Variants in CD276 observed in about 807,000 individuals in gnomAD.
CD276 encodes the protein CD276 antigen.
Under a neutral mutation model 50.0 loss-of-function variants are expected in CD276, and 34 were observed. That is an observed-to-expected ratio of 0.68 (90% CI 0.52 to 0.91). The LOEUF is 0.91. CD276 is among the 40% of genes least tolerant of loss of function. CD276 has a pLI of 0.00. For missense variants in CD276, 634 were observed against 717.5 expected (o/e 0.88, Z 1.33); for synonymous variants, 275 against 313.0 (o/e 0.88, Z 1.28).
intron 7 of CD276, among the ~76,000 whole-genome samples, chr15:73,709,092 G>C (rs947333460): frequency 6.6e-6 from 1 of 152,176 alleles, no homozygotes; most frequent in Non-Finnish European, 1.5e-5. Context: ...TGGTCAGTTG[G>C]CAGATAGGTG....
intron 4 of CD276, 46 bp downstream of exon 4, chr15:73,703,132 T>A: frequency 6.5e-7 from 1 of 1,526,930 alleles, no homozygotes; most frequent in Non-Finnish European, 8.8e-7. Flanking sequence ...GTTCTGCTTC[T>A]GTCGGCAGGG....
rs1901018701 is a variant in CD276 at position 73,713,920 on chromosome 15, C to T, written c.*964C>T. 2.6e-6 allele frequency: 1 copy of T among 380,762 alleles called. No homozygotes were observed. 23.6% of individuals were successfully genotyped at this position (380,762 alleles called of 1,614,324 possible). Reference sequence around the variant, plus strand: ...CCTGCGTGGGAAGATAAAGTTCCTCCCTCAAGGACTCCCCATCCAGCTGGG... The same window carrying T: ...CCTGCGTGGGAAGATAAAGTTCCTCTCTCAAGGACTCCCCATCCAGCTGGG... On this transcript the variant is annotated 3_prime_UTR_variant, in exon 10 of 10. Coordinates refer to ENST00000318443, the MANE Select transcript of CD276 (RefSeq NM_001024736.2).
intron 1 of CD276, among the ~76,000 whole-genome samples, chr15:73,688,525 C>T (rs56386548): frequency 0.026 from 3,976 of 152,316 alleles, 85 homozygotes; most frequent in Middle Eastern, 0.044. Flanking sequence ...GGCTTCTGAG[C>T]TCATGCTGTA....
chr15:73,700,601 C>T (rs767075496), intron 2 of CD276, among the ~76,000 whole-genome samples: 1 of 152,120 alleles, frequency 6.6e-6, no homozygotes, highest in South Asian at 2.1e-4. Flanking sequence ...GCCTGGGGCA[C>T]CAGGGGTTTC....
At position 73,709,664 on chromosome 15, in the gene CD276, TGGGGAGG is replaced by T; in HGVS notation, c.1523_1529del (p.Gly508GlufsTer11). ...CCTTTGCAGGAGCTGAGGACCAGGATGGGGAGGGAGAAGGCTCCAAGACAGGTGAGTC... is the reference window on the plus strand; with the variant it reads ...CCTTTGCAGGAGCTGAGGACCAGGATGAGAAGGCTCCAAGACAGGTGAGTC... On this transcript the variant is annotated frameshift_variant, in exon 8 of 10. Coordinates refer to ENST00000318443, the MANE Select transcript of CD276 (RefSeq NM_001024736.2). LOFTEE classifies it high-confidence loss of function. 2 of 1,612,970 alleles carry T rather than the reference TGGGGAGG, an allele frequency of 1.2e-6. No individual in the cohort carries two copies. Among genetic ancestry groups the T allele is most frequent in the Non-Finnish European group, 1.7e-6 (2 of 1,179,662 alleles).
chr15:73,686,743 A>G (rs1237726538), intron 1 of CD276, among the ~76,000 whole-genome samples: 2 of 152,300 alleles, frequency 1.3e-5, no homozygotes, highest in East Asian at 3.9e-4. Flanking sequence ...AAAATGTTGT[A>G]GAACAAGTGG....
In CD276 at chr15:73,711,156, C is replaced by T; in HGVS notation, c.1568C>T (p.Ser523Phe). 1 of 1,614,028 alleles carries T rather than the reference C, an allele frequency of 6.2e-7. No homozygotes were observed. Among genetic ancestry groups the T allele is most frequent in the Non-Finnish European group, 8.5e-7 (1 of 1,180,032 alleles). The change falls in exon 9 of 10, where the codon TCT becomes TTT. Residue 523 changes from serine (S) to phenylalanine (F), a missense_variant. Transcript: ENST00000318443. ...ACAGCCCTGCAGCCTCTGAAACACT[C>T]TGACAGCAAAGAAGGTAAAGACACC... ...SKTALQPLKH[S>F]DSKEDDGQEI...
In CD276 at chr15:73,702,752, C is replaced by G; in HGVS notation, c.419-20C>G. The G allele has an allele frequency of 6.2e-7, 1 of 1,603,262 alleles. No homozygotes were observed. The highest frequency in any genetic ancestry group is 8.5e-7 in the Non-Finnish European group (1 of 1,174,440). The stretch of plus-strand genomic sequence containing the variant: ...TCTGCCATTGCCCTGCCCTTGACCC[C>G]TGCCCTCTGTCACCTCCAGCTCCCT... On this transcript the variant is annotated intron_variant, in intron 3 of 9. Transcript: ENST00000318443.
chr15:73,712,632 A>C (rs751615576), intron 9 of CD276, among the ~76,000 whole-genome samples: 11 of 152,178 alleles, frequency 7.2e-5, no homozygotes. Context: ...GAGAAGGGAA[A>C]AGTGTTGCAC....
Position 73,702,570 on chromosome 15 carries a change from C to A in CD276, c.395C>A (p.Ala132Asp). 6.2e-7 allele frequency: 1 copy of A among 1,608,894 alleles called. No homozygotes were observed. Among genetic ancestry groups the A allele is most frequent in the Non-Finnish European group, 8.5e-7 (1 of 1,178,756 alleles). The change falls in exon 3 of 10, where the codon GCT becomes GAT. Residue 132 changes from alanine (A) to aspartate (D), a missense_variant. By Grantham distance (126) the Ala-to-Asp change is moderately radical (BLOSUM62 -2). Coordinates refer to ENST00000318443, the MANE Select transcript of CD276 (RefSeq NM_001024736.2). The stretch of plus-strand genomic sequence containing the variant: ...GTGAGCATCCGGGATTTCGGCAGCG[C>A]TGCCGTCAGCCTGCAGGTGGCCGGT... ...CFVSIRDFGS[A>D]AVSLQVAAPY...
At chr15:73,685,453 T>TTGTGTGTGTGTGTGTG (rs55859831) in intron 1 of CD276, among the ~76,000 whole-genome samples, 7 of 131,926 alleles carry the variant, frequency 5.3e-5, no homozygotes, top group Admixed American at 1.5e-4. Context: ...CAAAAAAGAT[T>TTGTGTGTGTGTGTGTG]TGTGTGTGTG....
Position 73,708,460 on chromosome 15 carries a change from G to A in CD276, c.1491G>A (p.Glu497=), listed in dbSNP as rs769843380. ...GGAGAAAGATCAAACAGAGCTGTGA[G>A]GAGGAGAATGCAGGTGAGTGTGTGT... ...VCWRKIKQSC[E]EENAGAEDQD... The change falls in exon 7 of 10, where the codon GAG becomes GAA. Residue 497 remains glutamate, a synonymous_variant. Coordinates refer to ENST00000318443, the MANE Select transcript of CD276 (RefSeq NM_001024736.2). 4.3e-6 allele frequency: 7 copies of A among 1,613,572 alleles called. No individual in the cohort carries two copies. The highest frequency in any genetic ancestry group is 5.1e-6 in the Non-Finnish European group (6 of 1,179,810).
intron 7 of CD276, among the ~76,000 whole-genome samples, chr15:73,709,257 TG>T (rs2141582722): frequency 6.6e-6 from 1 of 152,080 alleles, no homozygotes; most frequent in African/African-American, 2.4e-5. Flanking sequence ...GGTCTTTGGC[TG>T]GGTGTGTGGC....
At position 73,698,341 on chromosome 15, in the gene CD276, G is replaced by C. The variant is rs1407666504; in HGVS notation, c.-54-1245G>C. 2.6e-5 allele frequency among the ~76,000 whole-genome samples: 4 copies of C among 152,176 alleles called. No individual in the cohort carries two copies. In the East Asian group the frequency reaches 7.7e-4, roughly 29 times the overall value. On this transcript the variant is annotated intron_variant, in intron 1 of 9. Coordinates refer to ENST00000318443, the MANE Select transcript of CD276 (RefSeq NM_001024736.2). The stretch of plus-strand genomic sequence containing the variant: ...TAGAAGCTTCTTTGCAAATACTGCT[G>C]ATTTCACACAAGCTATACTGAACCC...
Position 73,704,564 on chromosome 15 carries a change from A to G in CD276, c.1369+92A>G. 6.8e-7 allele frequency: 1 copy of G among 1,474,812 alleles called. No homozygotes were observed. The highest frequency in any genetic ancestry group is 9.1e-7 in the Non-Finnish European group (1 of 1,103,352). The allele number at this position is 1,474,812 out of a possible 1,614,324, so 91.4% of individuals were successfully genotyped here. A position where few individuals can be genotyped will look rare whatever the true frequency, so the allele number is the denominator to read the frequency against. ...GGAATTTCCATAGGTTTGGGTGGCC[A>G]GAAGACTTTCAAAATCCCTTTCATA... On this transcript the variant is annotated intron_variant, in intron 6 of 9. Coordinates refer to ENST00000318443, the MANE Select transcript of CD276 (RefSeq NM_001024736.2). This position sits in a 1 kb window ranked among gnomAD's most constrained non-coding sequence, Gnocchi z 4.1.
rs368896895 is a variant in CD276 at position 73,702,464 on chromosome 15, C to T, written c.289C>T (p.Pro97Ser). Residue 97 changes from proline (P) to serine (S), a missense_variant, in exon 3 of 10, where the codon CCG becomes TCG. Transcript: ENST00000318443. The part of the protein sequence containing the change: ...SAYANRTALF[P>S]DLLAQGNASL... The stretch of plus-strand genomic sequence containing the variant: ...CTATGCCAACCGCACGGCCCTCTTC[C>T]CGGACCTGCTGGCACAGGGCAACGC... The T allele has an allele frequency of 4.0e-5, 65 of 1,613,624 alleles. No individual in the cohort carries two copies. Among genetic ancestry groups the T allele is most frequent in the Non-Finnish European group, 5.0e-5 (59 of 1,180,016 alleles).
At position 73,703,197 on chromosome 15, in the gene CD276, T is replaced by A. The variant is rs1443614720; in HGVS notation, c.733+111T>A. On this transcript the variant is annotated intron_variant, in intron 4 of 9. Coordinates refer to ENST00000318443, the MANE Select transcript of CD276 (RefSeq NM_001024736.2). ...CAATCTCCCAGAACAGCAAGTTGCCTCCTAATGATAGGGAGAAAGATAACG... is the reference window on the plus strand; with the variant it reads ...CAATCTCCCAGAACAGCAAGTTGCCACCTAATGATAGGGAGAAAGATAACG... 6.3e-6 allele frequency: 8 copies of A among 1,264,616 alleles called. No homozygotes were observed. The Admixed American group carries it at 1.4e-4, about 22-fold the overall frequency. 78.3% of individuals were successfully genotyped at this position (1,264,616 alleles called of 1,614,324 possible). A position where few individuals can be genotyped will look rare whatever the true frequency, so the allele number is the denominator to read the frequency against.
intron 1 of CD276, chr15:73,690,757 A>G: frequency 2.2e-6 from 1 of 455,816 alleles, no homozygotes; most frequent in South Asian, 1.5e-5. Flanking sequence ...AAGAAACTGT[A>G]TTTGCAGCAA....
At position 73,708,401 on chromosome 15, in the gene CD276, A is replaced by G. The variant is rs778301688; in HGVS notation, c.1432A>G (p.Ile478Val). 3.1e-6 allele frequency: 5 copies of G among 1,614,108 alleles called. No homozygotes were observed. The highest frequency in any genetic ancestry group is 3.4e-6 in the Non-Finnish European group (4 of 1,180,012). The change falls in exon 7 of 10, where the codon ATT becomes GTT. Residue 478 changes from isoleucine (I) to valine (V), a missense_variant. Physicochemically the swap from Ile to Val is conservative, Grantham distance 29. Transcript: ENST00000318443. The stretch of plus-strand genomic sequence containing the variant: ...GACCGTGGGGCTGTCTGTCTGTCTC[A>G]TTGCACTGCTGGTGGCCCTGGCTTT... The part of the protein sequence containing the change: ...WVTVGLSVCL[I>V]ALLVALAFVC...
Sources: allele counts gnomAD v4.1 joint callset (sites outside exome capture counted in the v4.1 genomes callset), GRCh38; gene constraint gnomAD v4.1.1; non-coding constraint Gnocchi (gnomAD v3.1); transcripts MANE v1.5; gene names NCBI Gene and HGNC (gene_info 2026-07-23, HGNC 2026-07-21).